SEMA3A: variants seen among roughly 807,000 people sequenced by gnomAD.
SEMA3A encodes semaphorin-3A.
In SEMA3A, 29 loss-of-function variants were observed where a neutral mutation model predicts 97.9. That is an observed-to-expected ratio of 0.30 (90% CI 0.22 to 0.40). The LOEUF (loss-of-function observed/expected upper bound fraction) is 0.40. Among genes scored for constraint, SEMA3A ranks in the 10% least tolerant of loss-of-function variants. SEMA3A has a pLI of 1.00. For synonymous variants in SEMA3A, 321 were observed against 323.7 expected (o/e 0.99, Z 0.09); for missense variants, 763 against 951.3 (o/e 0.80, Z 2.60).
chr7:84,325,238 T>A (rs966082766), intron 2 of SEMA3A, among the ~76,000 whole-genome samples: 11 of 152,056 alleles, frequency 7.2e-5, no homozygotes, highest in African/African-American at 2.2e-4. Context: ...AATGGATACA[T>A]GAAGTTCCTG....
At chr7:84,305,073 T>C (rs921415310) in intron 3 of SEMA3A, among the ~76,000 whole-genome samples, 1 of 151,954 alleles carries the variant, frequency 6.6e-6, no homozygotes, top group Non-Finnish European at 1.5e-5. Context: ...AGGAAATAAA[T>C]GTATCATGGA....
rs558623621 is a variant in SEMA3A at position 84,278,243 on chromosome 7, A to T, written c.-83+28964T>A. ...AAAGTGACCTTTGCTCCAGCTCTCA[A>T]TAAGTTTCTCATTTCTGTCTGAGAC... On this transcript the variant is annotated intron_variant, in intron 3 of 3. Coordinates refer to the SEMA3A transcript ENST00000424555. 2.6e-5 allele frequency among the ~76,000 whole-genome samples: 4 copies of T among 152,238 alleles called. No individual in the cohort carries two copies. The South Asian group carries it at 8.3e-4, about 32-fold the overall frequency.
intron 1 of SEMA3A, among the ~76,000 whole-genome samples, chr7:84,188,479 C>A (rs2116259504): frequency 6.6e-6 from 1 of 151,966 alleles, no homozygotes. Context: ...TGTTAAAGAA[C>A]CTACAGATTA....
chr7:84,172,635 C>G (rs1797426126), intron 1 of SEMA3A, among the ~76,000 whole-genome samples: 1 of 152,018 alleles, frequency 6.6e-6, no homozygotes. Context: ...ACTCTGTTAG[C>G]CAGGATGGTC....
At chr7:83,993,562 CCTT>C (rs1389360644) in intron 12 of SEMA3A, among the ~76,000 whole-genome samples, 7 of 150,040 alleles carry the variant, frequency 4.7e-5, no homozygotes, top group African/African-American at 1.7e-4. Flanking sequence ...TTTTATTTCT[CCTT>C]CGCTTATGAA....
intron 3 of SEMA3A, among the ~76,000 whole-genome samples, chr7:84,242,848 G>C (rs1481538222): frequency 6.6e-6 from 1 of 152,072 alleles, no homozygotes; most frequent in Non-Finnish European, 1.5e-5. Flanking sequence ...GCCTGAAGGG[G>C]TGTTGAATTT....
At chr7:84,134,056 A>G (rs778052283) in intron 2 of SEMA3A, among the ~76,000 whole-genome samples, 5 of 152,038 alleles carry the variant, frequency 3.3e-5, no homozygotes, top group Non-Finnish European at 5.9e-5. Flanking sequence ...GCGAGACTCC[A>G]TCTCAAAAAA....
chr7:83,995,797 C>G (rs1416241252), intron 12 of SEMA3A, among the ~76,000 whole-genome samples: 1 of 152,204 alleles, frequency 6.6e-6, no homozygotes, highest in Non-Finnish European at 1.5e-5. Context: ...AACTTTCTCA[C>G]TTGCAAAGCT....
At chr7:83,980,403 G>C (rs915721502) in intron 14 of SEMA3A, among the ~76,000 whole-genome samples, 3 of 151,388 alleles carry the variant, frequency 2.0e-5, no homozygotes, top group African/African-American at 7.3e-5. Flanking sequence ...TTAGGAGATC[G>C]AGACCATCCT....
chr7:84,213,997 T>C (rs1232744497), intron 3 of SEMA3A, among the ~76,000 whole-genome samples: 1 of 152,196 alleles, frequency 6.6e-6, no homozygotes, highest in African/African-American at 2.4e-5. Context: ...ATGATAGTTA[T>C]GAAAATATGA....
At chr7:84,217,641 A>G (rs1798780514) in intron 3 of SEMA3A, among the ~76,000 whole-genome samples, 11 of 152,278 alleles carry the variant, frequency 7.2e-5, no homozygotes, top group Admixed American at 7.2e-4. Context: ...CTCAAGGTTT[A>G]AAAACTTTAA....
intron 1 of SEMA3A, among the ~76,000 whole-genome samples, chr7:84,428,212 T>C (rs1396226886): frequency 1.3e-5 from 2 of 152,128 alleles, no homozygotes; most frequent in Non-Finnish European, 2.9e-5. Flanking sequence ...CAACTTATTT[T>C]GCATGGAAGT....
At chr7:84,427,370 C>T (rs914000523) in intron 1 of SEMA3A, among the ~76,000 whole-genome samples, 3 of 151,936 alleles carry the variant, frequency 2.0e-5, no homozygotes, top group East Asian at 1.9e-4. Flanking sequence ...AGTGAAGATT[C>T]GACATGAAAA....
intron 3 of SEMA3A, among the ~76,000 whole-genome samples, chr7:84,241,727 C>A (rs1476877278): frequency 1.3e-5 from 2 of 152,076 alleles, no homozygotes; most frequent in African/African-American, 4.8e-5. Context: ...AATGGTATTG[C>A]CTAGGTTTTC....
intron 1 of SEMA3A, among the ~76,000 whole-genome samples, chr7:84,149,276 A>C (rs553620933): frequency 1.3e-5 from 2 of 152,350 alleles, no homozygotes; most frequent in South Asian, 2.1e-4. Context: ...GAAAAGATTA[A>C]ATTCTTCCAT....
At chr7:84,364,360 G>A (rs181002861) in intron 2 of SEMA3A, among the ~76,000 whole-genome samples, 3 of 151,364 alleles carry the variant, frequency 2.0e-5, no homozygotes, top group East Asian at 3.9e-4. Flanking sequence ...TATATAAAAC[G>A]ATTTTTTCAA....
intron 1 of SEMA3A, among the ~76,000 whole-genome samples, chr7:84,136,993 GA>G: frequency 6.6e-6 from 1 of 151,188 alleles, no homozygotes; most frequent in Admixed American, 6.6e-5. Context: ...AGGAAGGAAG[GA>G]AGGAAGGAAG....
chr7:84,012,458 CAT>C (rs1318668851), intron 7 of SEMA3A, among the ~76,000 whole-genome samples: 1 of 152,140 alleles, frequency 6.6e-6, no homozygotes, highest in African/African-American at 2.4e-5. Context: ...ACCTACTATT[CAT>C]AGAGATCTAA....
chr7:84,059,716 T>C (rs996019359), intron 5 of SEMA3A, among the ~76,000 whole-genome samples: 1 of 145,396 alleles, frequency 6.9e-6, no homozygotes, highest in Non-Finnish European at 1.5e-5. Flanking sequence ...AACAGAATCA[T>C]GACCCAGAAT....
Sources: allele counts gnomAD v4.1 joint callset (sites outside exome capture counted in the v4.1 genomes callset), GRCh38; gene constraint gnomAD v4.1.1; transcripts MANE v1.5; gene names NCBI Gene and HGNC (gene_info 2026-07-23, HGNC 2026-07-21).